The following ANO4 variants were observed in gnomAD, a reference collection of about 807,000 sequenced individuals.
The protein encoded by ANO4 is anoctamin-4.
In ANO4, 69 loss-of-function variants were observed where a neutral mutation model predicts 141.9. The observed-to-expected ratio is 0.49, with a 90% CI of 0.40 to 0.59. The LOEUF is 0.59. Ranked by LOEUF, ANO4 falls within the 20% of genes least tolerant of loss-of-function variation. The probability of loss-of-function intolerance (pLI) is 0.00; values close to 1 mark genes in which losing one functional copy is unlikely to be tolerated. For missense variants in ANO4, 894 were observed against 1,162.2 expected (o/e 0.77, Z 3.36); for synonymous variants, 350 against 394.3 (o/e 0.89, Z 1.33).
At chr12:100,750,132 T>C (rs1836121225) in intron 3 of ANO4, among the ~76,000 whole-genome samples, 1 of 151,742 alleles carries the variant, frequency 6.6e-6, no homozygotes, top group African/African-American at 2.4e-5. Context: ...TTTTTTTTTC[T>C]TTTTTCTTTT....
chr12:101,025,908 A>C (rs1293866485), intron 9 of ANO4, among the ~76,000 whole-genome samples: 3 of 152,220 alleles, frequency 2.0e-5, no homozygotes, highest in African/African-American at 7.2e-5. Flanking sequence ...GCAAACTACT[A>C]ATAGAAATTA....
chr12:100,828,214 A>G (rs2036459551), intron 1 of ANO4, among the ~76,000 whole-genome samples: 1 of 151,978 alleles, frequency 6.6e-6, no homozygotes. Flanking sequence ...TAAAACTAAC[A>G]TTTATTTAAT....
chr12:100,790,500 G>T (rs183857539), upstream of ANO4, among the ~76,000 whole-genome samples: 6 of 152,228 alleles, frequency 3.9e-5, no homozygotes, highest in East Asian at 1.2e-3. Flanking sequence ...ATTGGATGTG[G>T]AGACACTCCA....
At chr12:100,767,997 T>G (rs1044793919) in intron 3 of ANO4, among the ~76,000 whole-genome samples, 5 of 151,942 alleles carry the variant, frequency 3.3e-5, no homozygotes, top group African/African-American at 4.8e-5. Flanking sequence ...GCTTCATCAG[T>G]CAGCCTGTCT....
At chr12:101,077,140 A>G (rs1046828779) in intron 14 of ANO4, among the ~76,000 whole-genome samples, 1 of 152,200 alleles carries the variant, frequency 6.6e-6, no homozygotes, top group Non-Finnish European at 1.5e-5. Context: ...GCTGGTGCCT[A>G]TGTGACCAGC....
Position 100,971,319 on chromosome 12 carries a change from A to G in ANO4, c.470A>G (p.Asn157Ser). ...LQMEKESSLI[N>S]SDIIFVKLHA... The stretch of plus-strand genomic sequence containing the variant: ...TTTCTGTTTCAGTCCTCTCTAATAA[A>G]TAGTGACATTATCTTTGTGAAGTTG... Residue 157 changes from asparagine to serine, a missense_variant, in exon 6 of 28, where the codon AAT (asparagine) becomes AGT (serine). Around this residue, in one of 2 missense-constraint regions of ANO4, gnomAD observed 257 missense variants for 253.0 expected, o/e 1.02. Transcript: ENST00000392977. The G allele has an allele frequency of 6.2e-7, 1 of 1,609,184 alleles. No homozygotes were observed. The highest frequency in any genetic ancestry group is 8.5e-7 in the Non-Finnish European group (1 of 1,175,958).
intron 14 of ANO4, among the ~76,000 whole-genome samples, chr12:101,078,969 A>G (rs532408244): frequency 2.0e-5 from 3 of 152,316 alleles, no homozygotes; most frequent in East Asian, 3.9e-4. Context: ...AGCTTAATTC[A>G]ATTCTAAGTG....
chr12:100,729,791 G>A (rs2031309533), intron 1 of ANO4, among the ~76,000 whole-genome samples: 1 of 152,264 alleles, frequency 6.6e-6, no homozygotes, highest in South Asian at 2.1e-4. Context: ...CTTGGCAATT[G>A]CCACGGCTCT....
At chr12:100,816,654 T>TAAAGGAG (rs958591910) in intron 1 of ANO4, among the ~76,000 whole-genome samples, 1 of 151,996 alleles carries the variant, frequency 6.6e-6, no homozygotes, top group African/African-American at 2.4e-5. Context: ...CAACTGTTTA[T>TAAAGGAG]AAAGGAGAAA....
chr12:100,733,871 T>C (rs754770345), intron 2 of ANO4: 5 of 683,448 alleles, frequency 7.3e-6, no homozygotes, highest in Non-Finnish European at 1.3e-5. Context: ...AGCACTAGTG[T>C]CATTTTGATT....
intron 3 of ANO4, among the ~76,000 whole-genome samples, chr12:100,755,307 A>G (rs1368101670): frequency 1.3e-5 from 2 of 152,032 alleles, no homozygotes; most frequent in Non-Finnish European, 2.9e-5. Flanking sequence ...GTGAAATCCA[A>G]AGTCTGGTTC....
At chr12:100,890,460 A>C (rs943815071) in intron 1 of ANO4, among the ~76,000 whole-genome samples, 1 of 152,220 alleles carries the variant, frequency 6.6e-6, no homozygotes, top group Non-Finnish European at 1.5e-5. Flanking sequence ...GTAGTAAGAA[A>C]TAACATTTAG....
chr12:100,832,783 A>G (rs1012590386), intron 1 of ANO4, among the ~76,000 whole-genome samples: 1 of 152,108 alleles, frequency 6.6e-6, no homozygotes, highest in Non-Finnish European at 1.5e-5. Flanking sequence ...AAAGGAACTC[A>G]CCATTTTGAG....
intron 14 of ANO4, among the ~76,000 whole-genome samples, chr12:101,064,384 T>C (rs1451219202): frequency 6.6e-6 from 1 of 152,212 alleles, no homozygotes; most frequent in African/African-American, 2.4e-5. Context: ...GTTTCAGTTC[T>C]TTTAAATTTA....
rs145205185 is a variant in ANO4 at position 100,870,596 on chromosome 12, C to G, written c.-140-31050C>G. Among the ~76,000 whole-genome samples the G allele has an allele frequency of 2.9e-3, 445 of 152,032 alleles. 3 individuals carry two copies. Among genetic ancestry groups the G allele is most frequent in the African/African-American group, 9.9e-3 (412 of 41,474 alleles). On this transcript the variant is annotated intron_variant, in intron 1 of 27. Transcript: ENST00000392977. ...ATCACAGTATAATTTATTTTAATCC[C>G]TTATCCTGTGGGTCACTTTTATCTG...
intron 3 of ANO4, among the ~76,000 whole-genome samples, chr12:100,765,660 G>A (rs1243039409): frequency 6.7e-6 from 1 of 148,438 alleles, no homozygotes; most frequent in East Asian, 2.0e-4. Context: ...TCAGATGTGA[G>A]CTACCACGCC....
intron 3 of ANO4, among the ~76,000 whole-genome samples, chr12:100,923,612 T>C (rs2041737058): frequency 6.6e-6 from 1 of 152,214 alleles, no homozygotes; most frequent in South Asian, 2.1e-4. Flanking sequence ...TGCATGTGTC[T>C]TTATAGTAGC....
chr12:100,975,042 G>A (rs2136285154), intron 7 of ANO4, among the ~76,000 whole-genome samples, 153 bp downstream of exon 7: 1 of 152,246 alleles, frequency 6.6e-6, no homozygotes, highest in East Asian at 1.9e-4. Context: ...TGTCTGATTA[G>A]CCTGAGGAGA....
At chr12:100,921,123 GCCTGAGAATCTA>G (rs989191804) in intron 2 of ANO4, among the ~76,000 whole-genome samples, 12 of 151,740 alleles carry the variant, frequency 7.9e-5, no homozygotes, top group African/African-American at 2.9e-4. Context: ...CATTCATTCA[GCCTGAGAATCTA>G]CTTTGTTGAG....
Sources: allele counts gnomAD v4.1 joint callset (sites outside exome capture counted in the v4.1 genomes callset), GRCh38; gene constraint gnomAD v4.1.1; regional missense constraint gnomAD v4.1.1; transcripts MANE v1.5; gene names NCBI Gene and HGNC (gene_info 2026-07-23, HGNC 2026-07-21).